Variants in ETNPPL observed in about 807,000 individuals in gnomAD.
The protein encoded by ETNPPL is ethanolamine-phosphate phospho-lyase.
In ETNPPL, 30 loss-of-function variants were observed where a neutral mutation model predicts 55.5. The ratio of observed to expected loss-of-function variants is 0.54; its 90% CI spans 0.40 to 0.73. The LOEUF is 0.73. Among genes scored for constraint, ETNPPL ranks in the 30% least tolerant of loss-of-function variants. The pLI is 0.00. For synonymous variants in ETNPPL, 202 were observed against 207.2 expected (o/e 0.98, Z 0.21); for missense variants, 528 against 607.9 (o/e 0.87, Z 1.38).
At chr4:108,749,833 C>CA (rs944993427) in intron 7 of ETNPPL, among the ~76,000 whole-genome samples, 13 of 151,928 alleles carry the variant, frequency 8.6e-5, no homozygotes, top group Non-Finnish European at 1.5e-4. Context: ...TCAGCCTCCC[C>CA]AGTAGCTGGA....
At chr4:108,744,761 C>T (rs958941668) in intron 11 of ETNPPL, among the ~76,000 whole-genome samples, 8 of 146,630 alleles carry the variant, frequency 5.5e-5, no homozygotes, top group African/African-American at 2.0e-4. Context: ...TACTCTGTCA[C>T]CCAGGCTGAA....
At chr4:108,752,386 G>C (rs955119638) in intron 6 of ETNPPL, among the ~76,000 whole-genome samples, 15 of 152,130 alleles carry the variant, frequency 9.9e-5, no homozygotes, top group Non-Finnish European at 2.1e-4. Context: ...ATTTTTTCCT[G>C]CTCTCAAGGA....
In ETNPPL at chr4:108,753,028, A is replaced by T. The variant is rs568987227; in HGVS notation, c.502-17T>A. Reference sequence around the variant, plus strand: ...AGTTGGTGCCTGAAAACATCAAATAATGCAGTTGCTTGTAATTTGCCTTTT... The same window carrying T: ...AGTTGGTGCCTGAAAACATCAAATATTGCAGTTGCTTGTAATTTGCCTTTT... On this transcript the variant is annotated splice_polypyrimidine_tract_variant and intron_variant, in intron 5 of 12. Transcript: ENST00000296486. 24 of 1,427,878 alleles carry T rather than the reference A, an allele frequency of 1.7e-5. No individual in the cohort carries two copies. The South Asian group carries it at 2.9e-4, about 17-fold the overall frequency. 88.5% of individuals were successfully genotyped at this position (1,427,878 alleles called of 1,614,324 possible).
rs1560656754 is a variant in ETNPPL at position 108,753,811 on chromosome 4, G to GAAAGAAAGAAAGGAA, written c.502-801_502-800insTTCCTTTCTTTCTTT. Among the ~76,000 whole-genome samples the GAAAGAAAGAAAGGAA allele has an allele frequency of 1.6e-4, 20 of 128,930 alleles. No individual in the cohort carries two copies. In the East Asian group the frequency reaches 2.9e-3, roughly 18 times the overall value. The allele number at this position is 128,930 out of a possible 152,430, so 84.6% of individuals were successfully genotyped here. On this transcript the variant is annotated intron_variant, in intron 5 of 12. Transcript: ENST00000296486. ...AAGAAAGAAAGAAAGAAAGAAAAGAGAAGAAAAGAAAAGAAAAAAAGAAAT... is the reference window on the plus strand; with the variant it reads ...AAGAAAGAAAGAAAGAAAGAAAAGAGAAAGAAAGAAAGGAAAAGAAAAGAAAAGAAAAAAAGAAAT...
intron 1 of ETNPPL, 64 bp from the exon 2 acceptor site, chr4:108,760,370 A>T: frequency 1.2e-6 from 1 of 843,890 alleles, no homozygotes; most frequent in Non-Finnish European, 1.9e-6. Context: ...TTCCTTCTCA[A>T]TGAAGGTCCC....
chr4:108,752,530 T>G (rs1344873665), intron 6 of ETNPPL, among the ~76,000 whole-genome samples: 3 of 152,160 alleles, frequency 2.0e-5, no homozygotes, highest in South Asian at 2.1e-4. Flanking sequence ...AAGGCTCCCT[T>G]GTGGGTCTGG....
At position 108,749,729 on chromosome 4, in the gene ETNPPL, G is replaced by C. The variant is rs188874937; in HGVS notation, c.702-266C>G. ...TATATTGCAGTATTTTTTTTTAAGA[G>C]ATGGGGTCTCACTCTGTTGCCCAGG... On this transcript the variant is annotated intron_variant, in intron 7 of 12. Coordinates refer to ENST00000296486, the MANE Select transcript of ETNPPL (RefSeq NM_031279.4). 2.4e-3 allele frequency among the ~76,000 whole-genome samples: 363 copies of C among 151,976 alleles called. 2 individuals carry two copies. Among genetic ancestry groups the C allele is most frequent in the African/African-American group, 8.6e-3 (355 of 41,456 alleles).
chr4:108,746,878 C>T (rs781754235), intron 9 of ETNPPL, 27 bp from the exon 10 acceptor site: 9 of 1,514,774 alleles, frequency 5.9e-6, no homozygotes, highest in African/African-American at 2.7e-5. Context: ...AAAACTTGAC[C>T]CACAATCTGT....
intron 1 of ETNPPL, 72 bp from the exon 2 acceptor site, chr4:108,760,378 C>A: frequency 1.3e-6 from 1 of 756,958 alleles, no homozygotes; most frequent in Non-Finnish European, 2.2e-6. Flanking sequence ...CAATGAAGGT[C>A]CCCATCAGTG....
intron 9 of ETNPPL, among the ~76,000 whole-genome samples, chr4:108,747,253 ATT>A (rs1728650486): frequency 3.1e-5 from 2 of 64,684 alleles, no homozygotes; most frequent in Admixed American, 4.2e-4. Context: ...ATATATATAT[ATT>A]ATATATATAT....
At chr4:108,753,973 CTTT>C (rs1213568977) in intron 5 of ETNPPL, among the ~76,000 whole-genome samples, 2,035 of 122,692 alleles carry the variant, frequency 0.017, 26 homozygotes, top group African/African-American at 0.057. Flanking sequence ...TTTTTCTTTT[CTTT>C]TTTTTTTTTT....
At chr4:108,757,211 T>C (rs985633770) in intron 3 of ETNPPL, among the ~76,000 whole-genome samples, 2 of 152,198 alleles carry the variant, frequency 1.3e-5, no homozygotes, top group South Asian at 4.1e-4. Flanking sequence ...AAAATGAGTA[T>C]CAAATTTTTT....
At chr4:108,757,653 T>C (rs868214459) in intron 3 of ETNPPL, among the ~76,000 whole-genome samples, 6 of 152,058 alleles carry the variant, frequency 3.9e-5, no homozygotes, top group Non-Finnish European at 8.8e-5. Flanking sequence ...AGAATATTAG[T>C]CTTGGCTGGG....
At position 108,749,283 on chromosome 4, in the gene ETNPPL, T is replaced by C. The variant is rs1419342121; in HGVS notation, c.882A>G (p.Glu294=). ...CAGAGCTGCTGAAGGCTTCTGCAATTTCTTTGGTTGTTACCACACATGCCA... is the reference window on the plus strand; with the variant it reads ...CAGAGCTGCTGAAGGCTTCTGCAATCTCTTTGGTTGTTACCACACATGCCA... ...HPVACVVTTK[E]IAEAFSSSGM... The change falls in exon 8 of 13, where the codon GAA becomes GAG. Residue 294 remains glutamate, a synonymous_variant. Transcript: ENST00000296486. 1 of 1,614,160 alleles carries C rather than the reference T, an allele frequency of 6.2e-7. No individual in the cohort carries two copies. The highest frequency in any genetic ancestry group is 1.7e-5 in the Admixed American group (1 of 59,998).
intron 1 of ETNPPL, chr4:108,762,200 T>G (rs749024492): frequency 8.2e-6 from 3 of 363,940 alleles, no homozygotes; most frequent in Non-Finnish European, 1.6e-5. Context: ...CACCTTTATA[T>G]TACTAAGTCG....
chr4:108,756,886 T>A (rs1352613870), intron 3 of ETNPPL, among the ~76,000 whole-genome samples: 3 of 152,194 alleles, frequency 2.0e-5, no homozygotes, highest in African/African-American at 4.8e-5. Context: ...AGATTACATT[T>A]ATTCAGAAAC....
rs1404316280 is a variant in ETNPPL at position 108,752,957 on chromosome 4, C to T, written c.556G>A (p.Ala186Thr). The T allele has an allele frequency of 6.2e-7, 1 of 1,613,154 alleles. No homozygotes were observed. Among genetic ancestry groups the T allele is most frequent in the South Asian group, 1.1e-5 (1 of 90,976 alleles). The stretch of plus-strand genomic sequence containing the variant: ...TTCACTTCATCTGCATAAGCACTGG[C>T]TGAGTCTGCATGGTCTTCTCTATAT... ...GKYREDHADS[A>T]SAYADEVKKI... Residue 186 changes from alanine (A) to threonine (T), a missense_variant, in exon 6 of 13, where the codon GCC becomes ACC. Physicochemically the swap from Ala to Thr is moderately conservative, Grantham distance 58 (BLOSUM62 0). Transcript: ENST00000296486.
At chr4:108,746,576 C>G in intron 10 of ETNPPL, 47 bp from the exon 11 acceptor site, 1 of 1,591,938 alleles carries the variant, frequency 6.3e-7, no homozygotes, top group South Asian at 1.1e-5. Context: ...AGGATAACTA[C>G]GATTACTGAA....
At chr4:108,754,923 T>C (rs907595917) in intron 4 of ETNPPL, 19 of 477,442 alleles carry the variant, frequency 4.0e-5, no homozygotes, top group Non-Finnish European at 5.8e-5. Flanking sequence ...ATAAAACTCA[T>C]AGAAAGCCAA....
Sources: allele counts gnomAD v4.1 joint callset (sites outside exome capture counted in the v4.1 genomes callset), GRCh38; gene constraint gnomAD v4.1.1; transcripts MANE v1.5; gene names NCBI Gene and HGNC (gene_info 2026-07-23, HGNC 2026-07-21).